FHIT: variants seen among roughly 807,000 people sequenced by gnomAD.
FHIT encodes the protein fragile histidine triad diadenosine triphosphatase.
FHIT carries 19 observed loss-of-function variants against 17.9 expected under a neutral mutation model. The ratio of observed to expected loss-of-function variants is 1.06; its 90% confidence interval spans 0.74 to 1.56. The LOEUF (loss-of-function observed/expected upper bound fraction) is 1.56. FHIT is among the 40% of genes most tolerant of loss of function. FHIT has a pLI of 0.00. For missense variants in FHIT, 248 were observed against 189.2 expected (o/e 1.31, Z -1.82); for synonymous variants, 81 against 69.7 (o/e 1.16, Z -0.81).
chr3:60,886,490 T>A (rs1705227952), intron 3 of FHIT, among the ~76,000 whole-genome samples: 1 of 152,214 alleles, frequency 6.6e-6, no homozygotes, highest in South Asian at 2.1e-4. Flanking sequence ...CAATGGTATT[T>A]AGCAAATATC....
At chr3:60,878,484 A>T (rs1704778891) in intron 3 of FHIT, among the ~76,000 whole-genome samples, 2 of 151,972 alleles carry the variant, frequency 1.3e-5, no homozygotes, top group African/African-American at 4.8e-5. Context: ...CACTGCCACT[A>T]CCATACCCCT....
At chr3:60,761,177 A>C (rs1699638144) in intron 4 of FHIT, among the ~76,000 whole-genome samples, 1 of 152,200 alleles carries the variant, frequency 6.6e-6, no homozygotes, top group Admixed American at 6.5e-5. Flanking sequence ...TGCAATAACC[A>C]GCAAGAATTA....
At chr3:59,851,462 A>C (rs1309646409) in intron 8 of FHIT, among the ~76,000 whole-genome samples, 2 of 152,174 alleles carry the variant, frequency 1.3e-5, no homozygotes, top group East Asian at 3.8e-4. Context: ...AAGAAGGCAA[A>C]GTGTGAAAAA....
chr3:60,940,094 A>G (rs1196959133), intron 3 of FHIT, among the ~76,000 whole-genome samples: 3 of 152,190 alleles, frequency 2.0e-5, no homozygotes, highest in Non-Finnish European at 4.4e-5. Context: ...AAACGGTTTT[A>G]CTGCTATTAC....
rs59532704 is a variant in FHIT at position 60,738,954 on chromosome 3, C to T, written c.-18+82965G>A. Among the ~76,000 whole-genome samples, 1,413 of 152,106 alleles carry T rather than the reference C, an allele frequency of 9.3e-3. 25 individuals are homozygous for T. Among genetic ancestry groups the T allele is most frequent in the African/African-American group, 0.033 (1,348 of 41,442 alleles). On this transcript the variant is annotated intron_variant, in intron 4 of 9. Coordinates refer to ENST00000492590, the MANE Select transcript of FHIT (RefSeq NM_002012.4). ...AATCCCGGACCCCAGGCTCCAGGAGCAGACAAGGAGAAGAGGAGAAAAGCA... is the reference window on the plus strand; with the variant it reads ...AATCCCGGACCCCAGGCTCCAGGAGTAGACAAGGAGAAGAGGAGAAAAGCA...
chr3:60,255,452 T>A (rs1705939294), intron 5 of FHIT, among the ~76,000 whole-genome samples: 1 of 151,886 alleles, frequency 6.6e-6, no homozygotes, highest in African/African-American at 2.4e-5. Flanking sequence ...GCTCTGAGGA[T>A]AATAGGGAGT....
intron 5 of FHIT, among the ~76,000 whole-genome samples, chr3:60,136,091 T>G (rs1699804402): frequency 2.0e-5 from 3 of 152,184 alleles, no homozygotes. Flanking sequence ...TGCTCATGAC[T>G]AAATCACCTG....
chr3:60,338,373 CTTAT>C (rs767667425), intron 5 of FHIT, among the ~76,000 whole-genome samples: 15 of 152,186 alleles, frequency 9.9e-5, no homozygotes, highest in Non-Finnish European at 1.6e-4. Context: ...TATTTATTTA[CTTAT>C]TTATTTGAGA....
At chr3:61,193,888 C>T (rs9864191) in intron 2 of FHIT, among the ~76,000 whole-genome samples, 56,949 of 152,002 alleles carry the variant, frequency 0.37, 11,415 homozygotes, top group East Asian at 0.8. Flanking sequence ...TGTATTTAAT[C>T]AAAGTTTTAT....
At chr3:60,450,336 T>C (rs954241051) in intron 5 of FHIT, among the ~76,000 whole-genome samples, 3 of 152,112 alleles carry the variant, frequency 2.0e-5, no homozygotes, top group African/African-American at 4.8e-5. Context: ...TGGTTCACTG[T>C]TGACTGAAAT....
At chr3:60,983,741 G>C (rs548047700) in intron 3 of FHIT, among the ~76,000 whole-genome samples, 206 of 152,236 alleles carry the variant, frequency 1.4e-3, no homozygotes, top group African/African-American at 4.8e-3. Context: ...CAAATGTAGT[G>C]TTTGAGGATG....
At chr3:59,971,070 G>A (rs1301823650) in intron 7 of FHIT, among the ~76,000 whole-genome samples, 1 of 151,942 alleles carries the variant, frequency 6.6e-6, no homozygotes, top group East Asian at 1.9e-4. Flanking sequence ...CTCTGAAATT[G>A]GGAATTAGGA....
intron 4 of FHIT, among the ~76,000 whole-genome samples, chr3:60,539,619 G>T (rs952012239): frequency 2.0e-5 from 3 of 152,280 alleles, no homozygotes; most frequent in South Asian, 4.1e-4. Context: ...CCATAAAAAA[G>T]GATGAGTTCA....
At chr3:61,114,236 C>A (rs2036237557) in intron 2 of FHIT, among the ~76,000 whole-genome samples, 1 of 152,158 alleles carries the variant, frequency 6.6e-6, no homozygotes, top group South Asian at 2.1e-4. Flanking sequence ...AATTCTCAGT[C>A]CTCTGAGGAA....
chr3:59,986,143 C>G (rs1466470566), intron 7 of FHIT, among the ~76,000 whole-genome samples: 1 of 151,924 alleles, frequency 6.6e-6, no homozygotes, highest in African/African-American at 2.4e-5. Context: ...TATGGCTGCT[C>G]ACCCTGAAAC....
intron 8 of FHIT, among the ~76,000 whole-genome samples, chr3:59,825,652 A>G (rs1055820486): frequency 2.0e-5 from 3 of 152,212 alleles, no homozygotes; most frequent in Admixed American, 6.5e-5. Flanking sequence ...CAGGCTTTGA[A>G]TGAAGGCCTC....
intron 3 of FHIT, among the ~76,000 whole-genome samples, chr3:60,968,343 G>A (rs770235278): frequency 1.3e-5 from 2 of 151,530 alleles, no homozygotes; most frequent in Non-Finnish European, 2.9e-5. Context: ...AATAAAAATG[G>A]AAATAATAAA....
intron 4 of FHIT, among the ~76,000 whole-genome samples, chr3:60,764,181 G>C (rs1172485808): frequency 6.6e-6 from 1 of 152,056 alleles, no homozygotes; most frequent in African/African-American, 2.4e-5. Context: ...TTCCTGAGGG[G>C]CTTGGAGTTG....
At chr3:60,115,899 T>C (rs966983941) in intron 5 of FHIT, among the ~76,000 whole-genome samples, 3 of 152,170 alleles carry the variant, frequency 2.0e-5, no homozygotes, top group Non-Finnish European at 2.9e-5. Flanking sequence ...TGCATTTAGA[T>C]AGGAATTTTT....
Sources: allele counts gnomAD v4.1 joint callset (sites outside exome capture counted in the v4.1 genomes callset), GRCh38; gene constraint gnomAD v4.1.1; transcripts MANE v1.5; gene names NCBI Gene and HGNC (gene_info 2026-07-23, HGNC 2026-07-21).